IRAK1BP1: variants seen among roughly 807,000 people sequenced by gnomAD.
IRAK1BP1 encodes the protein interleukin-1 receptor-associated kinase 1-binding protein 1.
IRAK1BP1 carries 24 observed loss-of-function variants against 28.0 expected under a neutral mutation model. The ratio of observed to expected loss-of-function variants is 0.86; its 90% confidence interval spans 0.62 to 1.20. IRAK1BP1 has a LOEUF of 1.20. Ranked by LOEUF, IRAK1BP1 falls within the 50% of genes most tolerant of loss-of-function variation. IRAK1BP1 has a pLI of 0.00. For missense variants in IRAK1BP1, 336 were observed against 316.7 expected, an observed-to-expected ratio of 1.06 and a Z score of -0.46; for synonymous variants, 131 against 116.3, an observed-to-expected ratio of 1.13 and a Z score of -0.81.
At chr6:78,927,084 A>C (rs1772909866) in intron 4 of IRAK1BP1, among the ~76,000 whole-genome samples, 1 of 152,148 alleles carries the variant, frequency 6.6e-6, no homozygotes, top group Non-Finnish European at 1.5e-5. Flanking sequence ...TTGCTGGATC[A>C]TATGGTAGCT....
intron 1 of IRAK1BP1, among the ~76,000 whole-genome samples, chr6:78,868,607 G>GAA (rs929667201): frequency 2.0e-5 from 3 of 151,814 alleles, no homozygotes; most frequent in African/African-American, 7.3e-5. Flanking sequence ...CCTAAGGCAA[G>GAA]AAAAAAAATG....
the IRAK1BP1 span, among the ~76,000 whole-genome samples, chr6:78,972,173 G>A: frequency 1.3e-5 from 2 of 152,180 alleles, no homozygotes; most frequent in African/African-American, 4.8e-5. Context: ...GTACGCAGCT[G>A]GAGATATGAG....
the IRAK1BP1 span, among the ~76,000 whole-genome samples, chr6:78,972,196 G>A: frequency 6.6e-6 from 1 of 152,220 alleles, no homozygotes; most frequent in Non-Finnish European, 1.5e-5. Flanking sequence ...CGGGCAGACT[G>A]CCTCCTCAAG....
At chr6:78,971,101 T>A in the IRAK1BP1 span, among the ~76,000 whole-genome samples, 1 of 152,262 alleles carries the variant, frequency 6.6e-6, no homozygotes, top group East Asian at 1.9e-4. Context: ...TACACACTTA[T>A]AAGTTAAGAT....
chr6:78,921,375 G>A (rs985138354), intron 4 of IRAK1BP1, among the ~76,000 whole-genome samples: 11 of 152,236 alleles, frequency 7.2e-5, no homozygotes, highest in Non-Finnish European at 1.3e-4. Context: ...CAAGGCTGGG[G>A]GAGGGGCGCC....
At chr6:78,903,107 GA>G, downstream of IRAK1BP1, 1 of 1,434,956 alleles carries the variant, frequency 7.0e-7, no homozygotes. Context: ...TCTGGACTCT[GA>G]ATGTAAGTTG....
chr6:78,880,316 A>T (rs1186303212), intron 1 of IRAK1BP1, among the ~76,000 whole-genome samples: 3 of 152,230 alleles, frequency 2.0e-5, no homozygotes, highest in Non-Finnish European at 4.4e-5. Context: ...AAAATTCTCC[A>T]AAGAGCATTT....
intron 1 of IRAK1BP1, among the ~76,000 whole-genome samples, chr6:78,884,273 A>G (rs1277931556): frequency 6.6e-6 from 1 of 152,128 alleles, no homozygotes; most frequent in Non-Finnish European, 1.5e-5. Flanking sequence ...TCTTCTTCAA[A>G]TAACATAATT....
At position 78,899,566 on chromosome 6, in the gene IRAK1BP1, A is replaced by G. The variant is rs933288254; in HGVS notation, c.*1232A>G. 2 of 152,024 alleles carry G rather than the reference A, an allele frequency of 1.3e-5. No homozygotes were observed. The highest frequency in any genetic ancestry group is 4.8e-5 in the African/African-American group (2 of 41,442). 9.4% of individuals were successfully genotyped at this position (152,024 alleles called of 1,614,324 possible). A position where few individuals can be genotyped will look rare whatever the true frequency, so the allele number is the denominator to read the frequency against. ...CGATATGTGTAATTTAAAATTTCCT[A>G]GTGCACATGTTTTTTTATTTTTCTT... On this transcript the variant is annotated 3_prime_UTR_variant, in exon 4 of 4. Coordinates refer to ENST00000369940, the MANE Select transcript of IRAK1BP1 (RefSeq NM_001010844.4).
chr6:78,918,640 T>C (rs986507140), intron 4 of IRAK1BP1, among the ~76,000 whole-genome samples: 1 of 139,110 alleles, frequency 7.2e-6, no homozygotes, highest in African/African-American at 2.7e-5. Flanking sequence ...GGGAGATCAA[T>C]TCAACAAGAG....
chr6:78,923,123 A>T (rs1772787298), intron 4 of IRAK1BP1, among the ~76,000 whole-genome samples: 1 of 152,176 alleles, frequency 6.6e-6, no homozygotes, highest in Non-Finnish European at 1.5e-5. Context: ...AAAGGCACAG[A>T]CTGGCAAATT....
chr6:78,905,407 A>G (rs1222494414), downstream of IRAK1BP1, among the ~76,000 whole-genome samples: 1 of 152,228 alleles, frequency 6.6e-6, no homozygotes, highest in African/African-American at 2.4e-5. Flanking sequence ...AAGTTGAAAC[A>G]TCAGCAATGT....
intron 4 of IRAK1BP1, chr6:78,940,097 A>T (rs534912868): frequency 1.9e-4 from 29 of 152,588 alleles, no homozygotes; most frequent in Non-Finnish European, 2.9e-5. Context: ...AATGGAATAA[A>T]GCAAAAGCCT....
chr6:78,909,915 T>C (rs1772359238), intron 4 of IRAK1BP1, among the ~76,000 whole-genome samples: 1 of 152,238 alleles, frequency 6.6e-6, no homozygotes, highest in Non-Finnish European at 1.5e-5. Context: ...TTCATAATTT[T>C]TTAATGGCAT....
the IRAK1BP1 span, chr6:78,955,490 T>A: frequency 1.8e-6 from 1 of 553,536 alleles, no homozygotes; most frequent in Non-Finnish European, 3.2e-6. Flanking sequence ...TGTTTTTTTT[T>A]TTTAAATTAA....
intron 4 of IRAK1BP1, among the ~76,000 whole-genome samples, chr6:78,915,259 T>C (rs79756560): frequency 0.01 from 1,539 of 152,310 alleles, 16 homozygotes; most frequent in African/African-American, 0.03. Flanking sequence ...CTAAAATTGA[T>C]AGAGTGATTC....
At chr6:78,943,990 T>TA (rs558983037) in intron 4 of IRAK1BP1, among the ~76,000 whole-genome samples, 11,328 of 78,202 alleles carry the variant, frequency 0.14, 857 homozygotes, top group Middle Eastern at 0.21. Flanking sequence ...TGTCTTTTTT[T>TA]AAAAAAAAAA....
chr6:78,979,006 T>C, the IRAK1BP1 span, among the ~76,000 whole-genome samples: 1 of 152,094 alleles, frequency 6.6e-6, no homozygotes, highest in African/African-American at 2.4e-5. Flanking sequence ...GTAGGCACTG[T>C]AGTAGGTATT....
rs140911307 is a variant in IRAK1BP1 at position 78,920,045 on chromosome 6, G to A, written c.*67+16935G>A. Among the ~76,000 whole-genome samples, 509 of 152,266 alleles carry A rather than the reference G, an allele frequency of 3.3e-3. 1 individual carries two copies. The highest frequency in any genetic ancestry group is 5.8e-3 in the Non-Finnish European group (393 of 68,014). On this transcript the variant is annotated intron_variant and NMD_transcript_variant, in intron 4 of 4. Transcript: ENST00000606868. Reference sequence around the variant, plus strand: ...CCAAGACAGGTGGATCACGAGGTCAGGAAATCGAGACCATCCTGGCCAACA... The same window carrying A: ...CCAAGACAGGTGGATCACGAGGTCAAGAAATCGAGACCATCCTGGCCAACA...
Sources: gnomAD v4.1 joint callset for allele counts (sites outside exome capture counted in the v4.1 genomes callset) on GRCh38, gnomAD v4.1.1 for gene constraint, MANE v1.5 for transcripts, NCBI Gene and HGNC (gene_info 2026-07-23, HGNC 2026-07-21) for gene names.